IL7: variants seen among roughly 807,000 people sequenced by gnomAD.
IL7 encodes the protein interleukin-7.
Under a neutral mutation model 21.6 loss-of-function variants are expected in IL7, and 3 were observed. That is an observed-to-expected ratio of 0.14 (90% confidence interval 0.06 to 0.36). The LOEUF is 0.36. Among genes scored for constraint, IL7 ranks in the 10% least tolerant of loss-of-function variants. IL7 has a pLI of 1.00. For synonymous variants in IL7, 62 were observed against 68.1 expected (o/e 0.91, Z 0.44); for missense variants, 175 against 200.2 (o/e 0.87, Z 0.76).
At chr8:78,727,514 T>G in intron 3 of IL7, among the ~76,000 whole-genome samples, 1 of 152,062 alleles carries the variant, frequency 6.6e-6, no homozygotes, top group East Asian at 1.9e-4. Flanking sequence ...TGTTTACATT[T>G]TAAGAGTCAA....
At chr8:78,684,057 A>C (rs899354674) in intron 4 of IL7, among the ~76,000 whole-genome samples, 1 of 152,162 alleles carries the variant, frequency 6.6e-6, no homozygotes, top group Non-Finnish European at 1.5e-5. Context: ...AGGAAGTTCC[A>C]AACTTTCCCA....
At chr8:78,758,448 T>G (rs1464173299) in intron 2 of IL7, among the ~76,000 whole-genome samples, 1 of 152,114 alleles carries the variant, frequency 6.6e-6, no homozygotes, top group Non-Finnish European at 1.5e-5. Context: ...ACCCGTGAGT[T>G]TAATTCTTTC....
At chr8:78,706,631 G>A (rs1810782108) in intron 3 of IL7, among the ~76,000 whole-genome samples, 1 of 152,154 alleles carries the variant, frequency 6.6e-6, no homozygotes, top group Non-Finnish European at 1.5e-5. Context: ...TGTGGGTCAA[G>A]TTGTTTCCTT....
intron 5 of IL7, among the ~76,000 whole-genome samples, chr8:78,720,304 G>A (rs1210850464): frequency 6.6e-6 from 1 of 151,740 alleles, no homozygotes; most frequent in Non-Finnish European, 1.5e-5. Context: ...CATTGAATGT[G>A]TATGTATTTT....
At chr8:78,773,251 C>T (rs766196660) in intron 2 of IL7, among the ~76,000 whole-genome samples, 6 of 152,128 alleles carry the variant, frequency 3.9e-5, no homozygotes, top group East Asian at 1.9e-4. Context: ...CCAGTGGGCA[C>T]GTCTTTGGGA....
In IL7 at chr8:78,735,280, T is replaced by TC. The variant is rs1408903817; in HGVS notation, c.414+1193_414+1194insG. 4.1e-4 allele frequency among the ~76,000 whole-genome samples: 54 copies of TC among 130,206 alleles called. 1 individual carries two copies. The highest frequency in any genetic ancestry group is 1.4e-3 in the African/African-American group (44 of 31,086). 85.4% of individuals were successfully genotyped at this position (130,206 alleles called of 152,430 possible). A position where few individuals can be genotyped will look rare whatever the true frequency, so the allele number is the denominator to read the frequency against. On this transcript the variant is annotated intron_variant, in intron 5 of 5. Coordinates refer to ENST00000263851, the MANE Select transcript of IL7 (RefSeq NM_000880.4). ...AAAATAGTTATCTTTTCTTTTCTTT[T>TC]TTTTTTTTTTTTGTTTTTTTTTTTT... is the stretch of plus-strand genomic sequence containing the variant.
At chr8:78,750,370 A>G (rs1235898399) in intron 2 of IL7, among the ~76,000 whole-genome samples, 1 of 152,040 alleles carries the variant, frequency 6.6e-6, no homozygotes, top group Admixed American at 6.6e-5. Flanking sequence ...TGTTTATCAC[A>G]GTTTCTTTTA....
chr8:78,677,967 A>C (rs577957945), intron 4 of IL7, among the ~76,000 whole-genome samples: 1 of 152,092 alleles, frequency 6.6e-6, no homozygotes, highest in Non-Finnish European at 1.5e-5. Context: ...TTTTTAAACC[A>C]TATAGGGTAA....
intron 2 of IL7, chr8:78,762,442 C>G: frequency 1.3e-6 from 2 of 1,577,928 alleles, no homozygotes; most frequent in Admixed American, 3.7e-5. Context: ...CGTCGCCCGC[C>G]CGCCGGCCGG....
At chr8:78,745,533 C>T (rs1344693638) in intron 2 of IL7, among the ~76,000 whole-genome samples, 2 of 152,166 alleles carry the variant, frequency 1.3e-5, no homozygotes, top group Admixed American at 1.3e-4. Context: ...TTTTCCATTG[C>T]TTTCATGGAT....
intron 2 of IL7, among the ~76,000 whole-genome samples, chr8:78,745,751 G>A (rs1811958331): frequency 6.6e-6 from 1 of 152,008 alleles, no homozygotes; most frequent in Non-Finnish European, 1.5e-5. Context: ...ATTCCATATG[G>A]CTGATGTAAC....
At chr8:78,796,667 A>T (rs1424139132) in intron 2 of IL7, among the ~76,000 whole-genome samples, 2 of 152,042 alleles carry the variant, frequency 1.3e-5, no homozygotes, top group African/African-American at 4.8e-5. Flanking sequence ...TCAACATTGT[A>T]TGTCATTATG....
At chr8:78,750,257 T>C (rs1812122852) in intron 2 of IL7, among the ~76,000 whole-genome samples, 1 of 152,040 alleles carries the variant, frequency 6.6e-6, no homozygotes, top group African/African-American at 2.4e-5. Context: ...GCACTGAAAG[T>C]TCACAGTCCA....
intron 1 of IL7, among the ~76,000 whole-genome samples, chr8:78,802,426 TTC>T (rs924168645): frequency 1.3e-5 from 2 of 151,386 alleles, no homozygotes; most frequent in East Asian, 1.9e-4. Context: ...TTTCGTATTT[TTC>T]TCTCTCTTTT....
rs893160696 is a variant in IL7 at position 78,686,591 on chromosome 8, C to T, written n.215-644G>A. Reference sequence around the variant, plus strand: ...GGTGGCAAACTTCCTCCTCCTCCTCCACCTTCTTATGATCCTGGTATTTGG... The same window carrying T: ...GGTGGCAAACTTCCTCCTCCTCCTCTACCTTCTTATGATCCTGGTATTTGG... On this transcript the variant is annotated intron_variant and non_coding_transcript_variant, in intron 3 of 4. Transcript: ENST00000523959. 4 of 1,522,926 alleles carry T rather than the reference C, an allele frequency of 2.6e-6. 1 individual carries two copies. In the South Asian group the frequency reaches 5.5e-5, roughly 21 times the overall value. The allele number at this position is 1,522,926 out of a possible 1,614,324, so 94.3% of individuals were successfully genotyped here.
intron 4 of IL7, among the ~76,000 whole-genome samples, chr8:78,678,239 T>C (rs913635977): frequency 2.6e-5 from 4 of 152,150 alleles, no homozygotes; most frequent in Admixed American, 2.6e-4. Flanking sequence ...TCAGCTCCTG[T>C]TTAAGATGGA....
intron 2 of IL7, among the ~76,000 whole-genome samples, chr8:78,768,038 G>A (rs1011425037): frequency 7.3e-5 from 11 of 151,552 alleles, no homozygotes; most frequent in African/African-American, 2.4e-4. Flanking sequence ...TTTTGTTCTT[G>A]TGATAGTTTA....
At chr8:78,722,915 C>T (rs1048282935) in intron 3 of IL7, among the ~76,000 whole-genome samples, 1 of 151,470 alleles carries the variant, frequency 6.6e-6, no homozygotes, top group African/African-American at 2.4e-5. Flanking sequence ...AAGGTAACAG[C>T]ACAGAGCCAT....
At chr8:78,707,482 G>A (rs539089063) in intron 3 of IL7, among the ~76,000 whole-genome samples, 1 of 152,306 alleles carries the variant, frequency 6.6e-6, no homozygotes, top group Admixed American at 6.5e-5. Context: ...GTTAGACCTT[G>A]ACAACTGATC....
Sources: gnomAD v4.1 joint callset for allele counts (sites outside exome capture counted in the v4.1 genomes callset) on GRCh38, gnomAD v4.1.1 for gene constraint, MANE v1.5 for transcripts, NCBI Gene and HGNC (gene_info 2026-07-23, HGNC 2026-07-21) for gene names.